The following RYR2 variants were observed in gnomAD, a reference collection of about 807,000 sequenced individuals.
The protein encoded by RYR2 is cardiac muscle ryanodine receptor-calcium release channel.
In RYR2, 227 loss-of-function variants were observed where a neutral mutation model predicts 601.1. The ratio of observed to expected loss-of-function variants is 0.38; its 90% confidence interval spans 0.34 to 0.42. The LOEUF (loss-of-function observed/expected upper bound fraction) is 0.42, where lower values mean the gene tolerates loss of function less well. Among genes scored for constraint, RYR2 ranks in the 10% least tolerant of loss-of-function variants. The pLI is 1.00. For missense variants in RYR2, 4,646 were observed against 6,156.5 expected (o/e 0.75, Z 8.21); for synonymous variants, 2,223 against 2,175.1 (o/e 1.02, Z -0.61).
chr1:237,552,940 A>G (rs1670548951), intron 27 of RYR2, among the ~76,000 whole-genome samples: 1 of 151,972 alleles, frequency 6.6e-6, no homozygotes, highest in African/African-American at 2.4e-5. Context: ...ATATTTTCTA[A>G]TTTTTGTTGG....
In RYR2 at chr1:237,566,560, T is replaced by C. The variant is rs779981104; in HGVS notation, c.3215-7T>C. ...ATGACCACCAGAAATCTCTGTCCATTTCCCAGCAGCCAGAGCCGAAGTGTG... is the reference window on the plus strand; with the variant it reads ...ATGACCACCAGAAATCTCTGTCCATCTCCCAGCAGCCAGAGCCGAAGTGTG... On this transcript the variant is annotated splice_polypyrimidine_tract_variant and splice_region_variant and intron_variant, in intron 27 of 104. Coordinates refer to ENST00000366574, the MANE Select transcript of RYR2 (RefSeq NM_001035.3). 6.2e-7 allele frequency: 1 copy of C among 1,612,040 alleles called. No homozygotes were observed. The highest frequency in any genetic ancestry group is 1.1e-5 in the South Asian group (1 of 91,016).
chr1:237,225,855 G>A (rs946546508), intron 1 of RYR2, among the ~76,000 whole-genome samples: 2 of 152,070 alleles, frequency 1.3e-5, no homozygotes, highest in South Asian at 2.1e-4. Context: ...AGGAGTTTGA[G>A]ACCAGCCTGG....
intron 4 of RYR2, among the ~76,000 whole-genome samples, chr1:237,357,110 A>G (rs534103314): frequency 1.3e-5 from 2 of 151,884 alleles, no homozygotes; most frequent in Admixed American, 6.6e-5. Flanking sequence ...TTAATTTACC[A>G]TTTCTGATGA....
intron 11 of RYR2, among the ~76,000 whole-genome samples, chr1:237,422,066 A>G (rs897182744): frequency 2.0e-5 from 3 of 152,078 alleles, no homozygotes; most frequent in Admixed American, 6.6e-5. Context: ...CTCACTTTGC[A>G]TGGTACGGTG....
intron 3 of RYR2, among the ~76,000 whole-genome samples, chr1:237,340,046 T>A (rs554401222): frequency 6.6e-6 from 1 of 152,278 alleles, no homozygotes; most frequent in East Asian, 1.9e-4. Flanking sequence ...CATGTGAAAA[T>A]GAAGGTCAGA....
chr1:237,651,322 T>C, intron 50 of RYR2, 89 bp from the exon 51 acceptor site: 1 of 877,086 alleles, frequency 1.1e-6, no homozygotes, highest in Non-Finnish European at 1.9e-6. Context: ...TAGATTCAGG[T>C]CCTTGGCTGA....
intron 82 of RYR2, among the ~76,000 whole-genome samples, chr1:237,758,575 A>G (rs1693151043): frequency 2.6e-5 from 4 of 152,334 alleles, no homozygotes; most frequent in South Asian, 2.1e-4. Flanking sequence ...ATATATGCAT[A>G]TGTGCATATA....
chr1:237,192,328 C>A (rs1680058259), intron 1 of RYR2, among the ~76,000 whole-genome samples: 1 of 152,186 alleles, frequency 6.6e-6, no homozygotes, highest in Non-Finnish European at 1.5e-5. Flanking sequence ...CCTGCCTCAG[C>A]CTCCTGAGTA....
chr1:237,124,465 AG>A (rs1332077013), intron 1 of RYR2, among the ~76,000 whole-genome samples: 3 of 152,184 alleles, frequency 2.0e-5, no homozygotes, highest in Admixed American at 1.3e-4. Flanking sequence ...TTTGTAGTTG[AG>A]AGGTCTGTAA....
At chr1:237,650,197 T>C in intron 50 of RYR2, 100 bp downstream of exon 50, 1 of 1,113,266 alleles carries the variant, frequency 9.0e-7, no homozygotes, top group Middle Eastern at 3.1e-4. Context: ...ACATTTTCCA[T>C]ACCACAAATT....
chr1:237,612,839 T>A (rs1678037791), intron 36 of RYR2, among the ~76,000 whole-genome samples: 1 of 152,218 alleles, frequency 6.6e-6, no homozygotes. Flanking sequence ...CTGTGATAGA[T>A]GTGTATGTAT....
intron 80 of RYR2, among the ~76,000 whole-genome samples, chr1:237,745,320 T>C (rs893523883): frequency 6.6e-5 from 10 of 152,188 alleles, no homozygotes; most frequent in Non-Finnish European, 1.5e-5. Flanking sequence ...ATTTGGTAGA[T>C]TTTGATTTTT....
At chr1:237,593,731 T>A in intron 33 of RYR2, 95 bp downstream of exon 33, 1 of 1,249,454 alleles carries the variant, frequency 8.0e-7, no homozygotes, top group Non-Finnish European at 1.1e-6. Context: ...ACCAAGGTAT[T>A]TCTATTTATA....
chr1:237,309,832 T>C (rs912087973), intron 2 of RYR2, among the ~76,000 whole-genome samples: 2 of 152,086 alleles, frequency 1.3e-5, no homozygotes, highest in Non-Finnish European at 1.5e-5. Flanking sequence ...CTGGCACTGC[T>C]GGGGGACCTG....
intron 63 of RYR2, among the ~76,000 whole-genome samples, chr1:237,697,286 T>C (rs1283561365): frequency 1.3e-5 from 2 of 149,136 alleles, no homozygotes; most frequent in Non-Finnish European, 3.0e-5. Flanking sequence ...TCATGAGCAC[T>C]ATCCCTGTTA....
chr1:237,809,517 T>TA (rs978691479), intron 100 of RYR2, among the ~76,000 whole-genome samples: 13 of 152,340 alleles, frequency 8.5e-5, no homozygotes, highest in Admixed American at 7.8e-4. Context: ...CAACAGCTGT[T>TA]AAAGCTTTCA....
chr1:237,801,466 G>C (rs1856580), intron 97 of RYR2, among the ~76,000 whole-genome samples: 4 of 150,198 alleles, frequency 2.7e-5, no homozygotes, highest in Non-Finnish European at 5.9e-5. Flanking sequence ...CGCTTGAACC[G>C]GGGAGGCAGA....
intron 1 of RYR2, among the ~76,000 whole-genome samples, chr1:237,208,183 C>T (rs1682028439): frequency 1.3e-5 from 2 of 152,216 alleles, no homozygotes; most frequent in African/African-American, 2.4e-5. Context: ...ATATATGTTG[C>T]ATAGCTGATC....
intron 44 of RYR2, among the ~76,000 whole-genome samples, chr1:237,635,797 C>T (rs1680815338): frequency 1.3e-5 from 2 of 152,196 alleles, no homozygotes; most frequent in Non-Finnish European, 2.9e-5. Context: ...CTACAGCTTT[C>T]CCGCACTCTC....
Sources: allele counts gnomAD v4.1 joint callset (sites outside exome capture counted in the v4.1 genomes callset), GRCh38; gene constraint gnomAD v4.1.1; transcripts MANE v1.5; gene names NCBI Gene and HGNC (gene_info 2026-07-23, HGNC 2026-07-21).